Variants in ABCA13 observed in about 807,000 individuals in gnomAD.
ABCA13 encodes the protein ATP binding cassette subfamily A member 13, also known as ATP-binding cassette sub-family A member 13.
Under a neutral mutation model 478.7 loss-of-function variants are expected in ABCA13, and 476 were observed. The observed-to-expected ratio is 0.99, with a 90% CI of 0.92 to 1.07. The LOEUF (loss-of-function observed/expected upper bound fraction) is 1.07, where lower values mean the gene tolerates loss of function less well. Ranked by LOEUF, ABCA13 falls within the 50% of genes least tolerant of loss-of-function variation. The pLI, the probability that ABCA13 is intolerant of heterozygous loss-of-function variation, is 0.00. For missense variants in ABCA13, 6,060 were observed against 5,910.6 expected, an observed-to-expected ratio of 1.03 and a Z score of -0.83; for synonymous variants, 2,252 against 2,158.9, an observed-to-expected ratio of 1.04 and a Z score of -1.20.
chr7:48,400,815 A>C (rs550165177), intron 38 of ABCA13, among the ~76,000 whole-genome samples: 12 of 152,376 alleles, frequency 7.9e-5, no homozygotes, highest in African/African-American at 2.9e-4. Flanking sequence ...TCTGTACAAA[A>C]TAAGTCAAGG....
chr7:48,279,151 A>G lies in ABCA13; in HGVS notation c.7957A>G (p.Arg2653Gly), dbSNP rs770521960. 42 of 1,605,692 alleles carry G rather than the reference A, an allele frequency of 2.6e-5. No individual in the cohort carries two copies. Among genetic ancestry groups the G allele is most frequent in the Non-Finnish European group, 3.6e-5 (42 of 1,176,400 alleles). The part of the protein sequence containing the change: ...TSVKMNLEDM[R>G]SLAVAFNNET... Reference sequence around the variant, plus strand: ...TGTGAAAATGAACTTGGAAGATATGAGGAGTCTTGCGGTAGCATTTAACAA... The same window carrying G: ...TGTGAAAATGAACTTGGAAGATATGGGGAGTCTTGCGGTAGCATTTAACAA... Residue 2653 changes from arginine (R) to glycine (G), a missense_variant, in exon 18 of 62, where the codon AGG (arginine) becomes GGG (glycine). By Grantham distance (125) the Arg-to-Gly change is moderately radical. Coordinates refer to ENST00000435803, the MANE Select transcript of ABCA13 (RefSeq NM_152701.5).
chr7:48,219,423 A>G lies in ABCA13; in HGVS notation c.357A>G (p.Gln119=). Residue 119 remains glutamine (Q), a synonymous_variant, in exon 4 of 62, where the codon CAA becomes CAG. Transcript: ENST00000435803. The part of the protein sequence containing the change: ...VNNLAFLKEI[Q]DLAEEIHGMM... Reference sequence around the variant, plus strand: ...ACCTGGCCTTTTTAAAAGAGATACAAGACCTGGCAGAGGAAATTCATGGAA... The same window carrying G: ...ACCTGGCCTTTTTAAAAGAGATACAGGACCTGGCAGAGGAAATTCATGGAA... 6.2e-7 allele frequency: 1 copy of G among 1,613,520 alleles called. No homozygotes were observed. The highest frequency in any genetic ancestry group is 1.1e-5 in the South Asian group (1 of 90,932).
In ABCA13 at chr7:48,358,429, TGTTGTGTGATAAATGACACTGTAG is replaced by T. The variant is rs1181523243; in HGVS notation, c.10688+5943_10688+5966del. Among the ~76,000 whole-genome samples the T allele has an allele frequency of 2.4e-4, 37 of 151,946 alleles. 1 individual carries two copies. The highest frequency in any genetic ancestry group is 8.0e-4 in the African/African-American group (33 of 41,254). ...GTGCCTAAGGGCCAGTGGTGACAAT[TGTTGTGTGATAAATGACACTGTAG>T]TGTGCAATGAAGAATAGTCCTAGCC... On this transcript the variant is annotated intron_variant, in intron 31 of 61. Transcript: ENST00000435803.
At chr7:48,318,792 T>A (rs575863807) in intron 27 of ABCA13, among the ~76,000 whole-genome samples, 40 of 152,142 alleles carry the variant, frequency 2.6e-4, no homozygotes, top group Non-Finnish European at 5.6e-4. Flanking sequence ...TGGCTCCATA[T>A]CACAGCTCTA....
chr7:48,278,495 C>A lies in ABCA13; in HGVS notation c.7301C>A (p.Pro2434His). ...ARLLDTILHS[P>H]NKDFYALYPT... Reference sequence around the variant, plus strand: ...CTTCTGGATACAATTTTACACTCTCCTAATAAGGACTTCTATGCTTTGTAT... The same window carrying A: ...CTTCTGGATACAATTTTACACTCTCATAATAAGGACTTCTATGCTTTGTAT... Residue 2434 changes from proline (P) to histidine (H), a missense_variant, in exon 18 of 62, where the codon CCT becomes CAT. Around this residue, in one of 3 missense-constraint regions of ABCA13, gnomAD observed 4,423 missense variants for 4,309.1 expected, o/e 1.03. Coordinates refer to ENST00000435803, the MANE Select transcript of ABCA13 (RefSeq NM_152701.5). 1 of 1,613,934 alleles carries A rather than the reference C, an allele frequency of 6.2e-7. No homozygotes were observed.
rs1318605926 is a variant in ABCA13, at chr7:48,541,619, C to T, written c.14354+13274C>T. ...TCCAAGTTTTTGAAACTCTAAATCA[C>T]ATGCAGTTCCTATCCACCCTTTGAC... On this transcript the variant is annotated intron_variant, in intron 55 of 61. Transcript: ENST00000435803. Among the ~76,000 whole-genome samples, 3 of 151,822 alleles carry T rather than the reference C, an allele frequency of 2.0e-5. No individual in the cohort carries two copies. In the East Asian group the frequency reaches 5.8e-4, roughly 29 times the overall value.
At chr7:48,624,604 C>A (rs756436378) in intron 59 of ABCA13, among the ~76,000 whole-genome samples, 1 of 150,704 alleles carries the variant, frequency 6.6e-6, no homozygotes, top group Admixed American at 6.6e-5. Context: ...GGCTGGTGTG[C>A]GAGTGCAATG....
At chr7:48,637,381 C>CAAAAAAAA (rs1156643955) in intron 59 of ABCA13, among the ~76,000 whole-genome samples, 288 of 20,130 alleles carry the variant, frequency 0.014, 25 homozygotes, top group African/African-American at 0.027. Flanking sequence ...GTTCATAAAG[C>CAAAAAAAA]AAAAAAAAAA....
At chr7:48,418,626 A>G (rs1820342829) in intron 41 of ABCA13, among the ~76,000 whole-genome samples, 1 of 152,110 alleles carries the variant, frequency 6.6e-6, no homozygotes, top group Non-Finnish European at 1.5e-5. Context: ...TATCTTCCAC[A>G]CACAGTTTTT....
intron 59 of ABCA13, among the ~76,000 whole-genome samples, chr7:48,624,636 A>G (rs1236367933): frequency 6.6e-6 from 1 of 151,336 alleles, no homozygotes; most frequent in African/African-American, 2.4e-5. Flanking sequence ...GCTCACTGCA[A>G]CCTCTCTGTC....
chr7:48,232,566 A>G (rs371051559), intron 7 of ABCA13, among the ~76,000 whole-genome samples: 1 of 152,120 alleles, frequency 6.6e-6, no homozygotes, highest in Admixed American at 6.5e-5. Flanking sequence ...GCCAATTCCA[A>G]TGTGAAGAGG....
intron 28 of ABCA13, among the ~76,000 whole-genome samples, chr7:48,336,355 T>G (rs574605710): frequency 6.6e-6 from 1 of 152,230 alleles, no homozygotes; most frequent in South Asian, 2.1e-4. Flanking sequence ...CAGGATTACA[T>G]GTGCAATAAT....
chr7:48,471,259 C>T (rs60694997), intron 44 of ABCA13, among the ~76,000 whole-genome samples: 11,067 of 152,242 alleles, frequency 0.073, 534 homozygotes, highest in African/African-American at 0.13. Flanking sequence ...CCAGCCGCAC[C>T]GTGAAAGTCC....
chr7:48,472,541 A>G (rs1263945994), intron 45 of ABCA13, among the ~76,000 whole-genome samples: 1 of 152,220 alleles, frequency 6.6e-6, no homozygotes, highest in African/African-American at 2.4e-5. Context: ...CTCATGGCCA[A>G]GGAAGTCAAG....
chr7:48,600,160 T>C (rs1790731691), intron 58 of ABCA13, among the ~76,000 whole-genome samples: 1 of 152,228 alleles, frequency 6.6e-6, no homozygotes, highest in Non-Finnish European at 1.5e-5. Flanking sequence ...TTTCTTATCA[T>C]TATGAAATGT....
At chr7:48,530,758 A>G (rs1230337085) in intron 55 of ABCA13, among the ~76,000 whole-genome samples, 1 of 152,002 alleles carries the variant, frequency 6.6e-6, no homozygotes, top group East Asian at 1.9e-4. Flanking sequence ...GCATTTTTTC[A>G]TATGCTTGTT....
intron 44 of ABCA13, among the ~76,000 whole-genome samples, chr7:48,468,930 A>G (rs1827177320): frequency 6.6e-6 from 1 of 152,262 alleles, no homozygotes; most frequent in Non-Finnish European, 1.5e-5. Context: ...TAGGTGATGC[A>G]TAATTTAAAA....
rs1833006972 is a variant in ABCA13, at chr7:48,528,258, A to G, written c.14267A>G (p.Asn4756Ser). ...TAGTGCTTTGGACTTCTAGGGGTGAATGGAGCTGGGAAGAGCACGACTTTC... is the reference window on the plus strand; with the variant it reads ...TAGTGCTTTGGACTTCTAGGGGTGAGTGGAGCTGGGAAGAGCACGACTTTC... ...KGECFGLLGVNGAGKSTTFKM... is the reference protein window; with the variant it reads ...KGECFGLLGVSGAGKSTTFKM... Residue 4756 changes from asparagine to serine, a missense_variant, in exon 55 of 62, where the codon AAT becomes AGT. Physicochemically the swap from Asn to Ser is conservative, Grantham distance 46. Around this residue, in one of 3 missense-constraint regions of ABCA13, gnomAD observed 1,627 missense variants for 1,571.0 expected, o/e 1.04. Coordinates refer to ENST00000435803, the MANE Select transcript of ABCA13 (RefSeq NM_152701.5). The G allele has an allele frequency of 1.3e-6, 2 of 1,576,904 alleles. No homozygotes were observed. The highest frequency in any genetic ancestry group is 1.7e-6 in the Non-Finnish European group (2 of 1,160,032).
At chr7:48,409,610 T>C (rs1236886858) in intron 39 of ABCA13, among the ~76,000 whole-genome samples, 4 of 152,184 alleles carry the variant, frequency 2.6e-5, no homozygotes, top group Admixed American at 2.6e-4. Flanking sequence ...GAATAATGAA[T>C]ACATGTGGTT....
Sources: allele counts gnomAD v4.1 joint callset (sites outside exome capture counted in the v4.1 genomes callset), GRCh38; gene constraint gnomAD v4.1.1; regional missense constraint gnomAD v4.1.1; transcripts MANE v1.5; gene names NCBI Gene and HGNC (gene_info 2026-07-23, HGNC 2026-07-21).